The following FLT1 variants were observed in gnomAD, a reference collection of about 807,000 sequenced individuals.
FLT1 encodes vascular endothelial growth factor receptor 1.
In FLT1, 49 loss-of-function variants were observed where a neutral mutation model predicts 156.3. The ratio of observed to expected loss-of-function variants is 0.31; its 90% confidence interval spans 0.25 to 0.40. The LOEUF (loss-of-function observed/expected upper bound fraction) is 0.40. Ranked by LOEUF, FLT1 falls within the 10% of genes least tolerant of loss-of-function variation. The pLI, the probability that FLT1 is intolerant of heterozygous loss-of-function variation, is 1.00. For missense variants in FLT1, 1,322 were observed against 1,637.2 expected (o/e 0.81, Z 3.32); for synonymous variants, 594 against 583.8 (o/e 1.02, Z -0.25).
In FLT1 at chr13:28,342,494, A is replaced by T. The variant is rs566337025; in HGVS notation, c.2355+2951T>A. Among the ~76,000 whole-genome samples the T allele has an allele frequency of 5.9e-5, 9 of 152,176 alleles. No individual in the cohort carries two copies. The South Asian group carries it at 1.9e-3, about 32-fold the overall frequency. On this transcript the variant is annotated intron_variant, in intron 16 of 29. Coordinates refer to ENST00000282397, the MANE Select transcript of FLT1 (RefSeq NM_002019.4). ...CCTTTGTTTCCTTCTCAAGCAGTGGACTTAGTTGTCATGTCTCAAAATCAG... is the reference window on the plus strand; with the variant it reads ...CCTTTGTTTCCTTCTCAAGCAGTGGTCTTAGTTGTCATGTCTCAAAATCAG...
At chr13:28,365,392 G>T (rs1029167136) in intron 14 of FLT1, among the ~76,000 whole-genome samples, 1 of 150,702 alleles carries the variant, frequency 6.6e-6, no homozygotes, top group Non-Finnish European at 1.5e-5. Context: ...TTGCTCTGTC[G>T]CCCAGGCTAG....
intron 1 of FLT1, 97 bp downstream of exon 1, chr13:28,494,683 G>C: frequency 1.1e-6 from 1 of 932,818 alleles, no homozygotes. Flanking sequence ...CTACAGCCTC[G>C]TCTCCCCGCG....
chr13:28,430,853 A>G (rs1877635152), intron 7 of FLT1, among the ~76,000 whole-genome samples: 1 of 152,236 alleles, frequency 6.6e-6, no homozygotes, highest in African/African-American at 2.4e-5. Context: ...TTTTGTTTAT[A>G]CAGAACACTA....
chr13:28,470,430 C>A (rs569625354), intron 1 of FLT1, among the ~76,000 whole-genome samples: 192 of 152,220 alleles, frequency 1.3e-3, no homozygotes, highest in African/African-American at 4.3e-3. Flanking sequence ...TGGAAAAGAT[C>A]CATCGAAGCT....
At chr13:28,481,648 A>C (rs1403568253) in intron 1 of FLT1, among the ~76,000 whole-genome samples, 1 of 152,282 alleles carries the variant, frequency 6.6e-6, no homozygotes, top group Non-Finnish European at 1.5e-5. Flanking sequence ...AAGATGGGTC[A>C]GAAACATTTC....
intron 4 of FLT1, among the ~76,000 whole-genome samples, chr13:28,434,909 A>AT (rs1238565849): frequency 2.0e-5 from 3 of 151,778 alleles, no homozygotes; most frequent in African/African-American, 7.3e-5. Flanking sequence ...ACCAATTAGC[A>AT]TTTTTTTTCT....
Position 28,446,224 on chromosome 13 carries a change from A to C in FLT1, c.389-7879T>G, listed in dbSNP as rs938972504. ...TCATATTTAATGGTGAAGCACTGGA[A>C]GTTTCCCCCTAAGATCAGGAATAAG... On this transcript the variant is annotated intron_variant, in intron 3 of 29. Coordinates refer to ENST00000282397, the MANE Select transcript of FLT1 (RefSeq NM_002019.4). Among the ~76,000 whole-genome samples the C allele has an allele frequency of 7.2e-5, 11 of 152,226 alleles. 1 individual carries two copies. In the South Asian group the frequency reaches 8.3e-4, roughly 11 times the overall value.
intron 3 of FLT1, among the ~76,000 whole-genome samples, chr13:28,450,698 A>G (rs1878882310): frequency 6.6e-6 from 1 of 152,242 alleles, no homozygotes; most frequent in Admixed American, 6.5e-5. Flanking sequence ...CCTCTGAATC[A>G]TAACATTATA....
intron 3 of FLT1, among the ~76,000 whole-genome samples, chr13:28,461,065 T>G (rs1879548950): frequency 6.6e-6 from 1 of 151,766 alleles, no homozygotes; most frequent in Non-Finnish European, 1.5e-5. Context: ...CCTCAAATCC[T>G]GAGCTCAAGT....
intron 10 of FLT1, among the ~76,000 whole-genome samples, chr13:28,415,858 T>C (rs975427334): frequency 5.3e-5 from 8 of 152,242 alleles, no homozygotes; most frequent in Admixed American, 5.2e-4. Flanking sequence ...CTGATTTCTT[T>C]GGAATAAACA....
rs1231479420 is a variant in FLT1 at position 28,405,958 on chromosome 13, G to A, written c.1437-64C>T. 1.9e-5 allele frequency: 16 copies of A among 843,170 alleles called. No homozygotes were observed. In the Admixed American group the frequency reaches 2.7e-4, roughly 14 times the overall value. 52.2% of individuals were successfully genotyped at this position (843,170 alleles called of 1,614,324 possible). ...CATGGTTCAGTCAATGGGGACAGGT[G>A]AAATGAAAACTTGGTGTAAGTCCTC... On this transcript the variant is annotated intron_variant, in intron 10 of 29. Coordinates refer to ENST00000282397, the MANE Select transcript of FLT1 (RefSeq NM_002019.4).
chr13:28,467,391 T>C, intron 2 of FLT1, 130 bp downstream of exon 2: 1 of 711,220 alleles, frequency 1.4e-6, no homozygotes, highest in Non-Finnish European at 2.5e-6. Context: ...CATGGGAAGC[T>C]GGATGCCTAT....
rs536834831 is a variant in FLT1, at chr13:28,319,466, G to A, written c.3243C>T (p.Asp1081=). ...ACAGCAATACTCCGTAAGACCACACGTCGCTCTTGGTGCTGTAGATTTTGT... is the reference window on the plus strand; with the variant it reads ...ACAGCAATACTCCGTAAGACCACACATCGCTCTTGGTGCTGTAGATTTTGT... ...IFDKIYSTKS[D]VWSYGVLLWE... Residue 1081 remains aspartate, a synonymous_variant, in exon 24 of 30, where the codon GAC becomes GAT. Coordinates refer to ENST00000282397, the MANE Select transcript of FLT1 (RefSeq NM_002019.4). 87 of 1,613,920 alleles carry A rather than the reference G, an allele frequency of 5.4e-5. No individual in the cohort carries two copies. Among genetic ancestry groups the A allele is most frequent in the African/African-American group, 6.7e-5 (5 of 75,038 alleles).
At chr13:28,350,694 C>CCTGGT (rs1872711691) in intron 15 of FLT1, among the ~76,000 whole-genome samples, 2 of 152,058 alleles carry the variant, frequency 1.3e-5, no homozygotes, top group African/African-American at 4.8e-5. Flanking sequence ...GACCAGAGCA[C>CCTGGT]CTTGTCCCAG....
chr13:28,413,180 G>T (rs1193246562), intron 10 of FLT1, among the ~76,000 whole-genome samples: 4 of 152,152 alleles, frequency 2.6e-5, no homozygotes, highest in Admixed American at 2.6e-4. Context: ...AGGGGATCCA[G>T]CGTCCTGGGC....
At chr13:28,341,750 C>T (rs971514427) in intron 16 of FLT1, among the ~76,000 whole-genome samples, 4 of 152,190 alleles carry the variant, frequency 2.6e-5, no homozygotes, top group African/African-American at 9.6e-5. Context: ...TCAAATTTTA[C>T]AGGCATTCTG....
chr13:28,417,671 G>GTT (rs11450136), intron 10 of FLT1, among the ~76,000 whole-genome samples: 370 of 144,978 alleles, frequency 2.6e-3, no homozygotes, highest in South Asian at 4.9e-3. Flanking sequence ...CCTTAATTCC[G>GTT]TTTTTTTTTT....
intron 15 of FLT1, among the ~76,000 whole-genome samples, chr13:28,347,233 C>G (rs1310278368): frequency 6.6e-6 from 1 of 151,942 alleles, no homozygotes; most frequent in Non-Finnish European, 1.5e-5. Context: ...GAGTAAAGAC[C>G]CAGACCTGGC....
intron 3 of FLT1, among the ~76,000 whole-genome samples, chr13:28,447,374 T>C (rs1878681237): frequency 6.6e-6 from 1 of 151,522 alleles, no homozygotes; most frequent in South Asian, 2.1e-4. Context: ...TTTGTAGAGA[T>C]AAGGGTTTCA....
Sources: gnomAD v4.1 joint callset for allele counts (sites outside exome capture counted in the v4.1 genomes callset) on GRCh38, gnomAD v4.1.1 for gene constraint, MANE v1.5 for transcripts, NCBI Gene and HGNC (gene_info 2026-07-23, HGNC 2026-07-21) for gene names.